Variants in EP300 observed in about 807,000 individuals in gnomAD.
EP300 encodes histone acetyltransferase p300.
Under a neutral mutation model 264.0 loss-of-function variants are expected in EP300, and 31 were observed. The ratio of observed to expected loss-of-function variants is 0.12; its 90% CI spans 0.09 to 0.16. The LOEUF (loss-of-function observed/expected upper bound fraction) is 0.16, where lower values mean the gene tolerates loss of function less well. Ranked by LOEUF, EP300 falls within the 10% of genes least tolerant of loss-of-function variation. The pLI is 1.00. For missense variants in EP300, 2,766 were observed against 3,052.9 expected, an observed-to-expected ratio of 0.91 and a Z score of 2.21; for synonymous variants, 1,340 against 1,045.4, an observed-to-expected ratio of 1.28 and a Z score of -5.44.
intron 20 of EP300, 37 bp from the exon 21 acceptor site, chr22:41,162,686 A>C (rs751237889): frequency 1.3e-6 from 2 of 1,542,074 alleles, no homozygotes; most frequent in Non-Finnish European, 1.8e-6. Context: ...GCTCATCTCT[A>C]TCACTTTTTC....
chr22:41,145,886 C>T (rs2059008002), intron 10 of EP300, among the ~76,000 whole-genome samples: 2 of 151,998 alleles, frequency 1.3e-5, no homozygotes, highest in Admixed American at 6.6e-5. Context: ...CCGCCCGCCT[C>T]GGCCTCCCAA....
At chr22:41,124,137 A>G (rs1270672427) in intron 2 of EP300, among the ~76,000 whole-genome samples, 1 of 152,210 alleles carries the variant, frequency 6.6e-6, no homozygotes. Flanking sequence ...AGTCCCAGCT[A>G]CTCAGGCTGA....
At chr22:41,152,937 T>C (rs1411684383) in intron 16 of EP300, among the ~76,000 whole-genome samples, 1 of 152,104 alleles carries the variant, frequency 6.6e-6, no homozygotes, top group Admixed American at 6.6e-5. Flanking sequence ...TTTGTATTTT[T>C]AGTAGAGACA....
chr22:41,174,058 C>G (rs1047397292), intron 29 of EP300, among the ~76,000 whole-genome samples: 14 of 151,960 alleles, frequency 9.2e-5, no homozygotes, highest in Non-Finnish European at 4.4e-5. Context: ...TGCAGTGAGC[C>G]GAGGTCACTC....
chr22:41,164,461 C>T (rs1365009960), intron 22 of EP300, among the ~76,000 whole-genome samples: 1 of 152,216 alleles, frequency 6.6e-6, no homozygotes, highest in East Asian at 1.9e-4. Flanking sequence ...CCTGTAATCC[C>T]AGCACTTTGG....
chr22:41,110,959 CT>C (rs57411594), intron 1 of EP300, among the ~76,000 whole-genome samples: 46,535 of 139,028 alleles, frequency 0.33, 7,379 homozygotes, highest in East Asian at 0.55. Flanking sequence ...TGTTATAAAT[CT>C]TTTTTTTTTT....
chr22:41,108,883 T>A (rs2058772977), intron 1 of EP300, among the ~76,000 whole-genome samples: 1 of 152,172 alleles, frequency 6.6e-6, no homozygotes, highest in Non-Finnish European at 1.5e-5. Flanking sequence ...AGTTAAAAGG[T>A]AATGGAACAA....
At chr22:41,171,345 G>A (rs1387035655) in intron 27 of EP300, among the ~76,000 whole-genome samples, 1 of 151,850 alleles carries the variant, frequency 6.6e-6, no homozygotes, top group Admixed American at 6.6e-5. Context: ...GGGTGTGGGT[G>A]TTTTGTTTTC....
chr22:41,095,115 G>A (rs1037915793), intron 1 of EP300, among the ~76,000 whole-genome samples: 4 of 151,954 alleles, frequency 2.6e-5, no homozygotes, highest in Admixed American at 6.6e-5. Flanking sequence ...TCTACTCCAG[G>A]AATTCTTTGG....
At position 41,170,493 on chromosome 22, in the gene EP300, C is replaced by T. The variant is rs2145766691; in HGVS notation, c.4374C>T (p.Pro1458=). 6.2e-7 allele frequency: 1 copy of T among 1,613,956 alleles called. No homozygotes were observed. The highest frequency in any genetic ancestry group is 1.1e-5 in the South Asian group (1 of 91,078). The change falls in exon 27 of 31, where the codon CCC becomes CCT. Residue 1458 remains proline (P), a synonymous_variant. Coordinates refer to ENST00000263253, the MANE Select transcript of EP300 (RefSeq NM_001429.4). ...FHCHPPDQKI[P]KPKRLQEWYK... ...GCCATCCTCCTGACCAGAAGATACC[C>T]AAGCCCAAGCGACTGCAGGAATGGT...
chr22:41,160,823 G>A, intron 20 of EP300, 101 bp downstream of exon 20: 1 of 1,076,994 alleles, frequency 9.3e-7, no homozygotes, highest in Non-Finnish European at 1.4e-6. Context: ...GTTGAATATG[G>A]TAGCCATTAG....
chr22:41,105,201 A>G (rs746559704), intron 1 of EP300, among the ~76,000 whole-genome samples: 20,214 of 63,400 alleles, frequency 0.32, 2,303 homozygotes, highest in Admixed American at 0.49. Flanking sequence ...CATCTCAGAA[A>G]AAAAAAAAAA....
intron 1 of EP300, among the ~76,000 whole-genome samples, chr22:41,110,591 T>C (rs1423084482): frequency 6.6e-6 from 1 of 152,092 alleles, no homozygotes; most frequent in South Asian, 2.1e-4. Flanking sequence ...AGCTACCACA[T>C]CCGGCCTATA....
At chr22:41,165,207 C>T (rs1194359356) in intron 22 of EP300, among the ~76,000 whole-genome samples, 1 of 152,080 alleles carries the variant, frequency 6.6e-6, no homozygotes, top group Non-Finnish European at 1.5e-5. Flanking sequence ...TAAGAGACTT[C>T]TTGTGGTTCT....
At chr22:41,102,430 T>C (rs2145678422) in intron 1 of EP300, among the ~76,000 whole-genome samples, 1 of 152,244 alleles carries the variant, frequency 6.6e-6, no homozygotes, top group Admixed American at 6.5e-5. Flanking sequence ...GAAAGGAGAC[T>C]GTGTGAGGCC....
At chr22:41,116,216 T>G (rs978110906) in intron 1 of EP300, among the ~76,000 whole-genome samples, 5 of 152,138 alleles carry the variant, frequency 3.3e-5, no homozygotes, top group Non-Finnish European at 5.9e-5. Context: ...ATTTAGAATG[T>G]TTTTCTTTTT....
chr22:41,131,631 T>G lies in EP300; in HGVS notation c.1526T>G (p.Met509Arg). The change falls in exon 6 of 31, where the codon ATG becomes AGG. Residue 509 changes from methionine (M) to arginine (R), a missense_variant and splice_region_variant. Physicochemically the swap from Met to Arg is moderately conservative, Grantham distance 91. Coordinates refer to ENST00000263253, the MANE Select transcript of EP300 (RefSeq NM_001429.4). ...SPQGMRPMSN[M>R]SASPMGVNGG... ...CAAGGCATGCGGCCCATGAGCAACA[T>G]GAGTAAGTTTGTGTCATCCTAATAA... 2.5e-6 allele frequency: 4 copies of G among 1,614,132 alleles called. No individual in the cohort carries two copies. Among genetic ancestry groups the G allele is most frequent in the Non-Finnish European group, 3.4e-6 (4 of 1,180,046 alleles).
chr22:41,171,114 C>G (rs1240500385), intron 27 of EP300, among the ~76,000 whole-genome samples: 1 of 150,502 alleles, frequency 6.6e-6, no homozygotes, highest in African/African-American at 2.5e-5. Flanking sequence ...CAAGAAATCC[C>G]TGTTTTAAAC....
chr22:41,157,407 A>C lies in EP300; in HGVS notation c.3500A>C (p.Lys1167Thr). Residue 1167 changes from lysine to threonine, a missense_variant and splice_region_variant, in exon 18 of 31, where the codon AAG (lysine) becomes ACG (threonine). Physicochemically the swap from Lys to Thr is moderately conservative, Grantham distance 78. Coordinates refer to ENST00000263253, the MANE Select transcript of EP300 (RefSeq NM_001429.4). ...AGCCTTGGATACTGTTGTGGCAGAA[A>C]GGTAAGAAATGTGTTTCAGATTTGA... ...MQSLGYCCGR[K>T]LEFSPQTLCC... 6.2e-7 allele frequency: 1 copy of C among 1,613,886 alleles called. No homozygotes were observed. Among genetic ancestry groups the C allele is most frequent in the South Asian group, 1.1e-5 (1 of 91,078 alleles).
Sources: gnomAD v4.1 joint callset for allele counts (sites outside exome capture counted in the v4.1 genomes callset) on GRCh38, gnomAD v4.1.1 for gene constraint, MANE v1.5 for transcripts, NCBI Gene and HGNC (gene_info 2026-07-23, HGNC 2026-07-21) for gene names.